Variants in NRXN1 observed in about 807,000 individuals in gnomAD.
NRXN1 encodes the protein neurexin 1, also known as neurexin-1.
NRXN1 carries 39 observed loss-of-function variants against 150.9 expected under a neutral mutation model. That is an observed-to-expected ratio of 0.26 (90% CI 0.20 to 0.34). The LOEUF (loss-of-function observed/expected upper bound fraction) is 0.34. NRXN1 is among the 10% of genes least tolerant of loss of function. The pLI is 1.00. For missense variants in NRXN1, 1,815 were observed against 1,949.9 expected, an observed-to-expected ratio of 0.93 and a Z score of 1.30; for synonymous variants, 924 against 757.0, an observed-to-expected ratio of 1.22 and a Z score of -3.62.
chr2:50,885,942 GAATAAAATACAA>G (rs1393031553), intron 5 of NRXN1, among the ~76,000 whole-genome samples: 2 of 151,012 alleles, frequency 1.3e-5, no homozygotes, highest in Non-Finnish European at 3.0e-5. Flanking sequence ...CTGTGGGGGA[GAATAAAATACAA>G]AATAAAATAT....
intron 19 of NRXN1, among the ~76,000 whole-genome samples, chr2:50,084,705 C>T (rs916836289): frequency 1.3e-5 from 2 of 152,128 alleles, no homozygotes; most frequent in African/African-American, 2.4e-5. Flanking sequence ...GAATGGGCGC[C>T]GAGGCCGAGG....
intron 21 of NRXN1, chr2:49,945,307 A>C (rs1159251030): frequency 6.6e-6 from 1 of 150,974 alleles, no homozygotes; most frequent in Non-Finnish European, 1.5e-5. Flanking sequence ...TAATATTCTC[A>C]CTTTTTATTC....
intron 18 of NRXN1, among the ~76,000 whole-genome samples, chr2:50,170,708 C>A (rs1193770176): frequency 6.7e-6 from 1 of 148,180 alleles, no homozygotes; most frequent in Non-Finnish European, 1.5e-5. Context: ...TGAAACACTT[C>A]CGGTTCAAGC....
At chr2:49,929,705 A>G (rs1252967015) in intron 22 of NRXN1, among the ~76,000 whole-genome samples, 1 of 152,154 alleles carries the variant, frequency 6.6e-6, no homozygotes. Flanking sequence ...CTTGGCTCAA[A>G]TGTCCCATCT....
chr2:50,957,801 A>G (rs1250186507), intron 2 of NRXN1, among the ~76,000 whole-genome samples: 1 of 152,134 alleles, frequency 6.6e-6, no homozygotes, highest in Non-Finnish European at 1.5e-5. Flanking sequence ...ATGAAATTAT[A>G]ATACATTTCA....
In NRXN1 at chr2:50,497,594, G is replaced by T; in HGVS notation, c.2618C>A (p.Thr873Lys). ...GTCAATGTATGCCATTCCATTAAAT[G>T]TCAAGCTCTGCAGGTGTCCAATGAA... ...SNFIGHLQSL[T>K]FNGMAYIDLC... Residue 873 changes from threonine (T) to lysine (K), a missense_variant, in exon 14 of 23, where the codon ACA (threonine) becomes AAA (lysine). Physicochemically the swap from Thr to Lys is moderately conservative, Grantham distance 78. This residue lies in a region of NRXN1 where 638 missense variants were observed against 652.6 expected (regional missense o/e 0.98). Transcript: ENST00000401669. 6.2e-7 allele frequency: 1 copy of T among 1,613,944 alleles called. No individual in the cohort carries two copies. Among genetic ancestry groups the T allele is most frequent in the Non-Finnish European group, 8.5e-7 (1 of 1,179,862 alleles).
chr2:50,325,395 G>A (rs560558409), intron 17 of NRXN1, among the ~76,000 whole-genome samples: 29 of 152,340 alleles, frequency 1.9e-4, no homozygotes, highest in Admixed American at 8.5e-4. Flanking sequence ...GTCCCATGGC[G>A]GAGCTACAGG....
chr2:50,138,190 G>C (rs1349588620), intron 18 of NRXN1, among the ~76,000 whole-genome samples: 1 of 152,124 alleles, frequency 6.6e-6, no homozygotes, highest in East Asian at 1.9e-4. Context: ...GATCTTCTCA[G>C]AGTCTCATAC....
intron 17 of NRXN1, among the ~76,000 whole-genome samples, chr2:50,249,154 CT>C (rs1477868156): frequency 4.5e-5 from 5 of 111,460 alleles, no homozygotes; most frequent in African/African-American, 1.4e-4. Flanking sequence ...GAGACCCTTT[CT>C]TAAAAAAAAA....
chr2:50,700,509 A>G (rs1693582666), intron 5 of NRXN1, among the ~76,000 whole-genome samples: 1 of 152,174 alleles, frequency 6.6e-6, no homozygotes, highest in Admixed American at 6.5e-5. Context: ...CAAAATTTAA[A>G]CCATCTATTT....
intron 17 of NRXN1, among the ~76,000 whole-genome samples, chr2:50,361,358 A>T (rs2079173086): frequency 6.6e-6 from 1 of 152,176 alleles, no homozygotes. Flanking sequence ...AAATAGATAG[A>T]CCACTAGCCA....
chr2:49,987,197 C>T (rs962701962), intron 21 of NRXN1, among the ~76,000 whole-genome samples: 1 of 152,084 alleles, frequency 6.6e-6, no homozygotes. Context: ...CCTTTCCCAG[C>T]CTACAATTCT....
At chr2:50,812,692 G>T (rs1176533150) in intron 5 of NRXN1, among the ~76,000 whole-genome samples, 1 of 148,268 alleles carries the variant, frequency 6.7e-6, no homozygotes, top group Non-Finnish European at 1.5e-5. Flanking sequence ...ATTTCATCTG[G>T]TTATTATATT....
chr2:50,569,667 G>C (rs1338011716), intron 8 of NRXN1, among the ~76,000 whole-genome samples: 5 of 152,136 alleles, frequency 3.3e-5, no homozygotes, highest in Non-Finnish European at 7.4e-5. Flanking sequence ...GCCAAATACA[G>C]AAACTAGACT....
chr2:50,224,610 G>A (rs1410150295), intron 18 of NRXN1, among the ~76,000 whole-genome samples: 1 of 150,252 alleles, frequency 6.7e-6, no homozygotes, highest in African/African-American at 2.4e-5. Context: ...CTCAACAAAT[G>A]GAGAACCAAT....
intron 2 of NRXN1, among the ~76,000 whole-genome samples, chr2:51,021,625 G>A (rs1669629143): frequency 6.6e-6 from 1 of 151,814 alleles, no homozygotes; most frequent in Non-Finnish European, 1.5e-5. Context: ...CAGCTTGCTT[G>A]AACTTTTAAA....
chr2:50,187,472 A>G (rs748887837), intron 18 of NRXN1, among the ~76,000 whole-genome samples: 13 of 152,058 alleles, frequency 8.5e-5, no homozygotes, highest in Non-Finnish European at 1.6e-4. Flanking sequence ...CCAAATATGC[A>G]AATGCCTTTT....
intron 5 of NRXN1, among the ~76,000 whole-genome samples, chr2:50,759,006 T>C (rs964949972): frequency 2.0e-5 from 3 of 151,946 alleles, no homozygotes; most frequent in Non-Finnish European, 4.4e-5. Context: ...TTAGAGTTGT[T>C]TATTAACATG....
chr2:50,799,781 C>T (rs1338506186), intron 5 of NRXN1, among the ~76,000 whole-genome samples: 2 of 152,066 alleles, frequency 1.3e-5, no homozygotes, highest in Non-Finnish European at 2.9e-5. Context: ...ATGCATTTTT[C>T]ACTGGGCTGT....
Sources: gnomAD v4.1 joint callset for allele counts (sites outside exome capture counted in the v4.1 genomes callset) on GRCh38, gnomAD v4.1.1 for gene constraint, gnomAD v4.1.1 regional missense constraint, MANE v1.5 for transcripts, NCBI Gene and HGNC (gene_info 2026-07-23, HGNC 2026-07-21) for gene names.